IQANK1: variants seen among roughly 807,000 people sequenced by gnomAD.
IQANK1 encodes IQ motif and ankyrin repeat containing 1.
IQANK1 carries 30 observed loss-of-function variants against 22.6 expected under a neutral mutation model. The observed-to-expected ratio is 1.33, with a 90% confidence interval of 0.99 to 1.80. The LOEUF (loss-of-function observed/expected upper bound fraction) is 1.80, where lower values mean the gene tolerates loss of function less well. IQANK1 is among the 40% of genes most tolerant of loss of function. IQANK1 has a pLI of 0.00. For missense variants in IQANK1, 275 were observed against 235.2 expected, an observed-to-expected ratio of 1.17 and a Z score of -1.11; for synonymous variants, 122 against 99.6, an observed-to-expected ratio of 1.23 and a Z score of -1.34.
chr8:143,748,782 CATATATAA>C (rs1324092702), intron 3 of IQANK1, among the ~76,000 whole-genome samples: 8 of 41,450 alleles, frequency 1.9e-4, no homozygotes, highest in African/African-American at 4.6e-4. Flanking sequence ...ATAAATATAT[CATATATAA>C]ATATATAAAT....
intron 7 of IQANK1, among the ~76,000 whole-genome samples, chr8:143,787,360 TGA>T (rs1411007971): frequency 2.6e-5 from 4 of 151,868 alleles, no homozygotes; most frequent in Non-Finnish European, 5.9e-5. Flanking sequence ...GCCGTGGAGG[TGA>T]GTTTACCACG....
At chr8:143,744,120 C>T (rs1818981422) in intron 3 of IQANK1, 2 of 207,204 alleles carry the variant, frequency 9.7e-6, no homozygotes, top group African/African-American at 4.8e-5. Context: ...GCGTGAGCCA[C>T]CAGGCCTGGC....
chr8:143,780,587 G>C (rs1287291690), intron 7 of IQANK1, among the ~76,000 whole-genome samples: 1 of 152,092 alleles, frequency 6.6e-6, no homozygotes, highest in African/African-American at 2.4e-5. Context: ...TTGGTTTTCT[G>C]TTCCTGCGAT....
intron 3 of IQANK1, chr8:143,760,427 G>A (rs1280135422): frequency 1.3e-5 from 2 of 151,712 alleles, no homozygotes; most frequent in Non-Finnish European, 2.9e-5. Flanking sequence ...TGTAATCCCA[G>A]CTCTTTGGGA....
chr8:143,755,508 C>T (rs946330780), intron 3 of IQANK1, among the ~76,000 whole-genome samples: 2 of 152,070 alleles, frequency 1.3e-5, no homozygotes, highest in East Asian at 1.9e-4. Flanking sequence ...GGATTACAGG[C>T]GCCTGCCACC....
chr8:143,771,610 C>G lies in IQANK1; in HGVS notation c.298C>G (p.Gln100Glu). ...REYLEQMETP[Q>E]KEAYLAPVRR... ...GTACCTGGAGCAGATGGAGACGCCGCAGAAGGAGGTGAGGACGGGCAGCCG... is the reference window on the plus strand; with the variant it reads ...GTACCTGGAGCAGATGGAGACGCCGGAGAAGGAGGTGAGGACGGGCAGCCG... The change falls in exon 4 of 14, where the codon CAG (glutamine) becomes GAG (glutamate). Residue 100 changes from glutamine to glutamate, a missense_variant. Transcript: ENST00000527139. The surrounding 1 kb of genome is among the most constrained non-coding windows in gnomAD (Gnocchi z 6.0). 2.5e-6 allele frequency: 1 copy of G among 398,624 alleles called. No homozygotes were observed. The allele number at this position is 398,624 out of a possible 1,614,324, so 24.7% of individuals were successfully genotyped here.
rs562243013 is a variant in IQANK1, at chr8:143,765,077, C to T, written c.176-6411C>T. Among the ~76,000 whole-genome samples the T allele has an allele frequency of 8.3e-4, 126 of 152,198 alleles. 2 individuals carry two copies. Among genetic ancestry groups the T allele is most frequent in the African/African-American group, 2.9e-3 (120 of 41,518 alleles). On this transcript the variant is annotated intron_variant, in intron 3 of 13. Transcript: ENST00000527139. ...TCAAGAATCATATATATAGCCGCGC[C>T]GGGTTTGTTGGCTCATGTCTGTAAT...
intron 3 of IQANK1, among the ~76,000 whole-genome samples, chr8:143,764,546 G>A (rs1264007731): frequency 6.6e-6 from 1 of 151,864 alleles, no homozygotes; most frequent in African/African-American, 2.4e-5. Context: ...AGGCTGCAGT[G>A]AGCCGTGATG....
At chr8:143,768,713 T>C (rs1819522490) in intron 3 of IQANK1, among the ~76,000 whole-genome samples, 1 of 152,142 alleles carries the variant, frequency 6.6e-6, no homozygotes, top group East Asian at 1.9e-4. Context: ...TATATGATAG[T>C]TTTTTGATGC....
intron 3 of IQANK1, among the ~76,000 whole-genome samples, chr8:143,770,153 C>G (rs1554629599): frequency 6.6e-6 from 1 of 152,230 alleles, no homozygotes; most frequent in East Asian, 1.9e-4. Flanking sequence ...AGGTGCTTTG[C>G]TCTTTCTCCT....
At chr8:143,753,411 T>G (rs1394520753) in intron 3 of IQANK1, among the ~76,000 whole-genome samples, 1 of 152,086 alleles carries the variant, frequency 6.6e-6, no homozygotes, top group Non-Finnish European at 1.5e-5. Flanking sequence ...TGTTTTAAAG[T>G]CTTTGTCTAG....
At chr8:143,749,398 T>C (rs1437262955) in intron 3 of IQANK1, among the ~76,000 whole-genome samples, 3 of 131,410 alleles carry the variant, frequency 2.3e-5, no homozygotes, top group Admixed American at 1.6e-4. Context: ...TATATAATTA[T>C]ATATCATATC....
intron 3 of IQANK1, among the ~76,000 whole-genome samples, chr8:143,748,632 T>C (rs1819086653): frequency 2.7e-5 from 3 of 112,870 alleles, no homozygotes; most frequent in South Asian, 2.5e-4. Context: ...TAATATATCA[T>C]ATATAAATAT....
intron 3 of IQANK1, among the ~76,000 whole-genome samples, chr8:143,750,574 G>A (rs57051554): frequency 0.059 from 8,956 of 152,166 alleles, 535 homozygotes; most frequent in African/African-American, 0.15. Context: ...AGTGGTTCAT[G>A]CCTGTAATCT....
At chr8:143,777,097 G>A (rs544483653) in intron 7 of IQANK1, among the ~76,000 whole-genome samples, 171 of 152,216 alleles carry the variant, frequency 1.1e-3, no homozygotes, top group Admixed American at 2.0e-3. Flanking sequence ...CTGTCCTCCA[G>A]CCTGGGCGAC....
chr8:143,756,559 G>A (rs568680244), intron 3 of IQANK1, among the ~76,000 whole-genome samples: 46 of 152,158 alleles, frequency 3.0e-4, no homozygotes, highest in African/African-American at 1.0e-3. Context: ...GCCCAACCTC[G>A]TGGCTTGGTG....
intron 2 of IQANK1, among the ~76,000 whole-genome samples, chr8:143,739,080 GCGGGGGCT>G (rs1387739023): frequency 6.6e-6 from 1 of 152,260 alleles, no homozygotes; most frequent in Non-Finnish European, 1.5e-5. Context: ...TGGAGGTGGG[GCGGGGGCT>G]CTTGGTGCCA....
In IQANK1 at chr8:143,771,399, G is replaced by A. The variant is rs1173572126; in HGVS notation, c.176-89G>A. ...GTTTGGGTCCTTCTGTCGGGGCGGG[G>A]GCGGGGGCGGGGCCGGCTCCACTCC... is the stretch of plus-strand genomic sequence containing the variant. On this transcript the variant is annotated intron_variant, in intron 3 of 13. Coordinates refer to ENST00000527139, the MANE Select transcript of IQANK1 (RefSeq NM_001381874.1). The surrounding 1 kb of genome is among the most constrained non-coding windows in gnomAD (Gnocchi z 6.0). The A allele has an allele frequency of 1.5e-5, 6 of 391,344 alleles. No homozygotes were observed. The highest frequency in any genetic ancestry group is 3.6e-5 in the East Asian group (1 of 27,678). The allele number at this position is 391,344 out of a possible 1,614,324, so 24.2% of individuals were successfully genotyped here. A position where few individuals can be genotyped will look rare whatever the true frequency, so the allele number is the denominator to read the frequency against.
chr8:143,739,806 A>G (rs1346905386), intron 2 of IQANK1, 53 bp from the exon 3 acceptor site: 6 of 667,148 alleles, frequency 9.0e-6, no homozygotes, highest in African/African-American at 3.6e-5. Flanking sequence ...TCTTGAGGCT[A>G]ATGGGGATGG....
Sources: allele counts gnomAD v4.1 joint callset (sites outside exome capture counted in the v4.1 genomes callset), GRCh38; gene constraint gnomAD v4.1.1; non-coding constraint Gnocchi (gnomAD v3.1); transcripts MANE v1.5; gene names NCBI Gene and HGNC (gene_info 2026-07-23, HGNC 2026-07-21).